The following CECR2 variants were observed in gnomAD, a reference collection of about 807,000 sequenced individuals.
The protein encoded by CECR2 is CECR2 histone acetyl-lysine reader.
CECR2 carries 30 observed loss-of-function variants against 154.5 expected under a neutral mutation model. That is an observed-to-expected ratio of 0.19 (90% CI 0.15 to 0.26). The LOEUF is 0.26. Among genes scored for constraint, CECR2 ranks in the 10% least tolerant of loss-of-function variants. The probability of loss-of-function intolerance (pLI) is 1.00; values close to 1 mark genes in which losing one functional copy is unlikely to be tolerated. For missense variants in CECR2, 1,743 were observed against 1,829.3 expected (o/e 0.95, Z 0.86); for synonymous variants, 725 against 683.7 (o/e 1.06, Z -0.94).
At chr22:17,519,292 GT>G (rs80083383) in intron 8 of CECR2, among the ~76,000 whole-genome samples, 20,699 of 114,418 alleles carry the variant, frequency 0.18, 1,540 homozygotes, top group East Asian at 0.45. Flanking sequence ...GGTGTTTTGT[GT>G]TTTTTTTTTT....
At chr22:17,384,466 A>G (rs1265396166) in intron 1 of CECR2, among the ~76,000 whole-genome samples, 1 of 152,226 alleles carries the variant, frequency 6.6e-6, no homozygotes, top group Non-Finnish European at 1.5e-5. Context: ...ATGTTGTGTC[A>G]GCAGACATGA....
chr22:17,551,378 C>T (rs2056706018), intron 17 of CECR2, among the ~76,000 whole-genome samples: 1 of 148,624 alleles, frequency 6.7e-6, no homozygotes, highest in South Asian at 2.3e-4. Flanking sequence ...CATGGATTTG[C>T]ATTTGGCTGC....
At chr22:17,438,926 C>T (rs1260172431) in intron 1 of CECR2, among the ~76,000 whole-genome samples, 1 of 152,012 alleles carries the variant, frequency 6.6e-6, no homozygotes, top group African/African-American at 2.4e-5. Flanking sequence ...TGGAATTCCA[C>T]ACTTTGGGGG....
At chr22:17,534,564 G>A (rs998153755) in intron 9 of CECR2, among the ~76,000 whole-genome samples, 3 of 151,746 alleles carry the variant, frequency 2.0e-5, no homozygotes, top group Non-Finnish European at 2.9e-5. Flanking sequence ...CTGGAGTGCA[G>A]TGGCACAATC....
chr22:17,386,812 A>G (rs535139541), intron 1 of CECR2, among the ~76,000 whole-genome samples: 4 of 151,926 alleles, frequency 2.6e-5, no homozygotes, highest in African/African-American at 9.7e-5. Context: ...CACCACGCCC[A>G]GCTAATTTTT....
intron 1 of CECR2, among the ~76,000 whole-genome samples, chr22:17,384,196 C>T (rs2063233552): frequency 6.6e-6 from 1 of 152,056 alleles, no homozygotes; most frequent in East Asian, 1.9e-4. Context: ...TTTGCTTTGC[C>T]CAGATTCATC....
intron 1 of CECR2, among the ~76,000 whole-genome samples, chr22:17,414,177 T>G (rs9618007): frequency 0.021 from 2,994 of 141,846 alleles, 103 homozygotes; most frequent in African/African-American, 0.074. Context: ...TTTCACTGTG[T>G]TAGCCAGGAT....
chr22:17,542,089 G>A, intron 15 of CECR2, 68 bp from the exon 16 acceptor site: 4 of 1,574,418 alleles, frequency 2.5e-6, no homozygotes, highest in Non-Finnish European at 2.6e-6. Context: ...TGTTCCCATA[G>A]AGAAGCATGG....
chr22:17,532,377 T>G (rs1475032707), intron 9 of CECR2, among the ~76,000 whole-genome samples: 1 of 152,174 alleles, frequency 6.6e-6, no homozygotes, highest in Non-Finnish European at 1.5e-5. Context: ...TTCCAGCTTC[T>G]AGTAGTTTCA....
chr22:17,534,729 C>T (rs1213678984), intron 9 of CECR2: 3 of 138,072 alleles, frequency 2.2e-5, no homozygotes, highest in African/African-American at 8.0e-5. Flanking sequence ...GACAGGGTTT[C>T]ACTGTGTTAG....
At chr22:17,538,590 A>G (rs2056472445) in intron 11 of CECR2, 33 bp downstream of exon 11, 2 of 1,613,558 alleles carry the variant, frequency 1.2e-6, no homozygotes, top group Non-Finnish European at 1.7e-6. Context: ...TCTGTTTGTG[A>G]TAGAAGTTTT....
intron 1 of CECR2, among the ~76,000 whole-genome samples, chr22:17,381,366 A>G (rs1005908773): frequency 1.3e-5 from 2 of 149,268 alleles, no homozygotes; most frequent in Admixed American, 1.3e-4. Flanking sequence ...ACGTAACTCT[A>G]GACTTTTTTT....
chr22:17,499,982 C>CGG (rs370907642), intron 4 of CECR2, among the ~76,000 whole-genome samples: 2,398 of 152,218 alleles, frequency 0.016, 74 homozygotes, highest in African/African-American at 0.055. Context: ...GAGGCCGAGG[C>CGG]GGGCGGATCA....
intron 6 of CECR2, among the ~76,000 whole-genome samples, chr22:17,504,498 G>A (rs1451134630): frequency 6.6e-6 from 1 of 151,286 alleles, no homozygotes; most frequent in African/African-American, 2.4e-5. Flanking sequence ...GTGCAGTGGC[G>A]TGATCTCGGC....
intron 1 of CECR2, among the ~76,000 whole-genome samples, chr22:17,461,198 TTC>T (rs534749375): frequency 6.4e-4 from 98 of 152,362 alleles, no homozygotes; most frequent in African/African-American, 2.1e-3. Context: ...AAAGCTTCTC[TTC>T]TCTTTCTCTG....
chr22:17,382,086 T>G (rs978553605), intron 1 of CECR2, among the ~76,000 whole-genome samples: 3 of 151,468 alleles, frequency 2.0e-5, no homozygotes, highest in South Asian at 4.2e-4. Context: ...GGGACGAGGT[T>G]TCGCCGTGTT....
chr22:17,445,993 G>C (rs1343566769), intron 1 of CECR2, among the ~76,000 whole-genome samples: 1 of 152,160 alleles, frequency 6.6e-6, no homozygotes, highest in Non-Finnish European at 1.5e-5. Flanking sequence ...AATGTTTTCT[G>C]TTCATGGTTG....
intron 17 of CECR2, among the ~76,000 whole-genome samples, chr22:17,549,773 C>A (rs139518333): frequency 7.4e-6 from 1 of 134,964 alleles, no homozygotes; most frequent in Admixed American, 7.9e-5. Context: ...CCACACCCAG[C>A]TAACTTTTTG....
rs1379778017 is a variant in CECR2, at chr22:17,556,259, G to A, written c.*3419G>A. On this transcript the variant is annotated 3_prime_UTR_variant, in exon 19 of 19. Coordinates refer to ENST00000262608, the MANE Select transcript of CECR2 (RefSeq NM_001290047.2). ...ACTGAGCCCGGGCCAGATGCTCTCA[G>A]AAGGCCTTCTCATGCTCCTCTTCGT... 6.6e-6 allele frequency: 1 copy of A among 152,176 alleles called. No individual in the cohort carries two copies. Among genetic ancestry groups the A allele is most frequent in the Non-Finnish European group, 1.5e-5 (1 of 68,048 alleles). The allele number at this position is 152,176 out of a possible 1,614,324, so 9.4% of individuals were successfully genotyped here. A position where few individuals can be genotyped will look rare whatever the true frequency, so the allele number is the denominator to read the frequency against.
Sources: gnomAD v4.1 joint callset for allele counts (sites outside exome capture counted in the v4.1 genomes callset) on GRCh38, gnomAD v4.1.1 for gene constraint, MANE v1.5 for transcripts, NCBI Gene and HGNC (gene_info 2026-07-23, HGNC 2026-07-21) for gene names.